OR2L13: variants seen among roughly 807,000 people sequenced by gnomAD.
OR2L13 encodes olfactory receptor 2L13.
Under a neutral mutation model 15.3 loss-of-function variants are expected in OR2L13, and 14 were observed. The observed-to-expected ratio is 0.91, with a 90% confidence interval of 0.60 to 1.43. The LOEUF (loss-of-function observed/expected upper bound fraction) is 1.43. Ranked by LOEUF, OR2L13 falls within the 40% of genes most tolerant of loss-of-function variation. OR2L13 has a pLI of 0.00. For missense variants in OR2L13, 367 were observed against 387.9 expected, an observed-to-expected ratio of 0.95 and a Z score of 0.45; for synonymous variants, 152 against 142.9, an observed-to-expected ratio of 1.06 and a Z score of -0.45.
At chr1:248,022,172 G>C in the OR2L13 span, 8 of 1,613,904 alleles carry the variant, frequency 5.0e-6, no homozygotes, top group East Asian at 6.7e-5. Context: ...ACATCTCTAC[G>C]ATTGTTCCTA....
chr1:248,093,078 T>C (rs1664638184), upstream of OR2L13, among the ~76,000 whole-genome samples: 1 of 152,084 alleles, frequency 6.6e-6, no homozygotes, highest in Non-Finnish European at 1.5e-5. Flanking sequence ...GCTGAGTATA[T>C]GGTACAGAAT....
chr1:248,048,921 C>CTTT, the OR2L13 span, among the ~76,000 whole-genome samples: 545 of 141,996 alleles, frequency 3.8e-3, 4 homozygotes, highest in African/African-American at 0.015. Flanking sequence ...TTTTCTCTCT[C>CTTT]TCTTTTTTTT....
chr1:247,977,990 A>G, the OR2L13 span, among the ~76,000 whole-genome samples: 1 of 152,180 alleles, frequency 6.6e-6, no homozygotes, highest in African/African-American at 2.4e-5. Context: ...GAAGGCTGAT[A>G]TGAGGCTTCC....
chr1:248,045,041 C>G, the OR2L13 span, among the ~76,000 whole-genome samples: 1 of 152,094 alleles, frequency 6.6e-6, no homozygotes, highest in Non-Finnish European at 1.5e-5. Context: ...GAATTACAGG[C>G]CTGTGCCACT....
chr1:247,941,434 C>T, the OR2L13 span, among the ~76,000 whole-genome samples: 5,314 of 152,160 alleles, frequency 0.035, 125 homozygotes, highest in African/African-American at 0.052. Flanking sequence ...GATGAACTAG[C>T]ATTACCATGC....
At chr1:248,043,517 G>A in the OR2L13 span, among the ~76,000 whole-genome samples, 1 of 152,176 alleles carries the variant, frequency 6.6e-6, no homozygotes, top group Admixed American at 6.5e-5. Flanking sequence ...TATTTCTCAA[G>A]CAGGCCAACA....
At chr1:247,967,231 G>GT in the OR2L13 span, among the ~76,000 whole-genome samples, 12 of 151,762 alleles carry the variant, frequency 7.9e-5, no homozygotes, top group Non-Finnish European at 1.6e-4. Flanking sequence ...TTGTTTGTTT[G>GT]TTTTTTTGTT....
At position 248,099,860 on chromosome 1, in the gene OR2L13, C is replaced by T. The variant is rs560942963; in HGVS notation, c.485C>T (p.Ala162Val). 3.7e-6 allele frequency: 6 copies of T among 1,614,054 alleles called. No homozygotes were observed. In the South Asian group the frequency reaches 4.4e-5, roughly 12 times the overall value. The change falls in exon 3 of 3, where the codon GCC (alanine) becomes GTC (valine). Residue 162 changes from alanine to valine, a missense_variant. Physicochemically the swap from Ala to Val is moderately conservative, Grantham distance 64. Transcript: ENST00000641714. The stretch of plus-strand genomic sequence containing the variant: ...AACTCCTTGGCACACACAGTCTTTG[C>T]CCTTCATATTCCCTACTGCAGGTCT...
At chr1:248,019,008 G>A in the OR2L13 span, among the ~76,000 whole-genome samples, 1 of 152,078 alleles carries the variant, frequency 6.6e-6, no homozygotes, top group African/African-American at 2.4e-5. Context: ...AATAGTCCAT[G>A]TATGTACTCA....
chr1:248,048,844 G>A, the OR2L13 span, among the ~76,000 whole-genome samples: 1 of 151,718 alleles, frequency 6.6e-6, no homozygotes. Context: ...TAAAACTTCA[G>A]TCTGATTTTT....
At chr1:248,065,454 T>G in the OR2L13 span, among the ~76,000 whole-genome samples, 1 of 152,106 alleles carries the variant, frequency 6.6e-6, no homozygotes, top group East Asian at 1.9e-4. Context: ...ATTATTATAC[T>G]GTAAGTTTTA....
At chr1:248,007,713 T>G in the OR2L13 span, among the ~76,000 whole-genome samples, 2 of 152,224 alleles carry the variant, frequency 1.3e-5, no homozygotes, top group Non-Finnish European at 2.9e-5. Flanking sequence ...CAGTCGTTCT[T>G]TAATTATTTC....
the OR2L13 span, among the ~76,000 whole-genome samples, chr1:248,026,115 T>C: frequency 6.6e-6 from 1 of 151,930 alleles, no homozygotes; most frequent in Non-Finnish European, 1.5e-5. Flanking sequence ...AAAAGAAAAA[T>C]CATTTGGCAA....
At chr1:247,976,913 A>C in the OR2L13 span, among the ~76,000 whole-genome samples, 1 of 152,156 alleles carries the variant, frequency 6.6e-6, no homozygotes, top group Non-Finnish European at 1.5e-5. Flanking sequence ...CTATCCTCAC[A>C]AGTTTCTTTC....
chr1:247,945,151 T>C, the OR2L13 span, among the ~76,000 whole-genome samples: 2 of 152,164 alleles, frequency 1.3e-5, no homozygotes, highest in African/African-American at 4.8e-5. Context: ...TTTAGTGCCA[T>C]AAGTTTCCCC....
chr1:247,963,603 G>A, the OR2L13 span, among the ~76,000 whole-genome samples: 1 of 152,098 alleles, frequency 6.6e-6, no homozygotes, highest in African/African-American at 2.4e-5. Context: ...ATCGAGATAT[G>A]CCTTTTTCTT....
chr1:248,040,851 G>A, the OR2L13 span: 1 of 152,020 alleles, frequency 6.6e-6, no homozygotes, highest in Non-Finnish European at 1.5e-5. Context: ...ACTACAATTG[G>A]AATAATCATT....
At chr1:248,038,134 T>C in the OR2L13 span, 4 of 631,284 alleles carry the variant, frequency 6.3e-6, no homozygotes, top group South Asian at 6.1e-5. Flanking sequence ...AAATAGTTTA[T>C]ATAGGGTTCA....
chr1:247,958,015 T>A, the OR2L13 span, among the ~76,000 whole-genome samples: 1 of 152,174 alleles, frequency 6.6e-6, no homozygotes, highest in Non-Finnish European at 1.5e-5. Context: ...GCTTCTCTAG[T>A]TTTTTTAATG....
Sources: gnomAD v4.1 joint callset for allele counts (sites outside exome capture counted in the v4.1 genomes callset) on GRCh38, gnomAD v4.1.1 for gene constraint, MANE v1.5 for transcripts, NCBI Gene and HGNC (gene_info 2026-07-23, HGNC 2026-07-21) for gene names.